ARID1A: variants seen among roughly 807,000 people sequenced by gnomAD.
ARID1A encodes AT-rich interaction domain 1A.
A neutral mutation model predicts 212.6 loss-of-function variants in ARID1A; 20 were observed. The observed-to-expected ratio is 0.09, with a 90% CI of 0.07 to 0.14. ARID1A has a LOEUF of 0.14. Ranked by LOEUF, ARID1A falls within the 10% of genes least tolerant of loss-of-function variation. The probability of loss-of-function intolerance (pLI) is 1.00; values close to 1 mark genes in which losing one functional copy is unlikely to be tolerated. For synonymous variants in ARID1A, 1,376 were observed against 1,222.1 expected (o/e 1.13, Z -2.63); for missense variants, 2,587 against 3,059.0 (o/e 0.85, Z 3.64).
In ARID1A at chr1:26,731,281, C is replaced by A. The variant is rs1240655442; in HGVS notation, c.1480C>A (p.Pro494Thr). ...PYSQQPPSQT[P>T]HAQPSYQQQP... Reference sequence around the variant, plus strand: ...CTCCCAGCAACCACCGTCCCAGACCCCTCATGCCCAACCTTCGTATCAGCA... The same window carrying A: ...CTCCCAGCAACCACCGTCCCAGACCACTCATGCCCAACCTTCGTATCAGCA... Residue 494 changes from proline to threonine, a missense_variant, in exon 3 of 20, where the codon CCT (proline) becomes ACT (threonine). By Grantham distance (38) the Pro-to-Thr change is conservative. Around this residue, in one of 11 missense-constraint regions of ARID1A, gnomAD observed 674 missense variants for 813.4 expected, o/e 0.83. Transcript: ENST00000324856. 1.2e-6 allele frequency: 2 copies of A among 1,613,906 alleles called. No homozygotes were observed. Among genetic ancestry groups the A allele is most frequent in the Non-Finnish European group, 1.7e-6 (2 of 1,180,018 alleles).
intron 1 of ARID1A, among the ~76,000 whole-genome samples, chr1:26,722,508 G>A (rs1411219067): frequency 3.3e-5 from 5 of 152,204 alleles, no homozygotes; most frequent in African/African-American, 4.8e-5. Flanking sequence ...GCCACCCAAC[G>A]TGTTGGGATT....
Position 26,696,181 on chromosome 1 carries a change from GGCCGCCGCC to G in ARID1A, c.-216_-208del. On this transcript the variant is annotated 5_prime_UTR_variant, in exon 1 of 20. Transcript: ENST00000324856. ...GGAGCAGCTGAGCCGCCGGCGCCTC[GGCCGCCGCC>G]GCCGCCTCCTCCTCCTCCGCCGCCG... The G allele has an allele frequency of 1.6e-6, 1 of 613,682 alleles. No individual in the cohort carries two copies. Among genetic ancestry groups the G allele is most frequent in the Admixed American group, 5.1e-5 (1 of 19,622 alleles). The allele number at this position is 613,682 out of a possible 1,614,324, so 38.0% of individuals were successfully genotyped here. A position where few individuals can be genotyped will look rare whatever the true frequency, so the allele number is the denominator to read the frequency against.
chr1:26,730,004 A>G (rs2080658176), intron 2 of ARID1A, 141 bp downstream of exon 2: 2 of 1,075,760 alleles, frequency 1.9e-6, no homozygotes, highest in African/African-American at 1.6e-5. Context: ...ACAGAGTGCT[A>G]CTAACAAAGC....
chr1:26,758,479 TGTG>T (rs2080961436), intron 4 of ARID1A, among the ~76,000 whole-genome samples: 1 of 151,874 alleles, frequency 6.6e-6, no homozygotes, highest in African/African-American at 2.4e-5. Flanking sequence ...CAGAGCCAGA[TGTG>T]GTGGTGCGTG....
At chr1:26,751,733 C>A (rs1400434948) in intron 4 of ARID1A, among the ~76,000 whole-genome samples, 2 of 152,050 alleles carry the variant, frequency 1.3e-5, no homozygotes, top group Non-Finnish European at 2.9e-5. Context: ...TATCTAACAT[C>A]CTTTGTATTT....
Position 26,696,430 on chromosome 1 carries a change from C to A in ARID1A, c.27C>A (p.Ala9=). MAAQVAPA[A]ASSLGNPPPP... is the part of the protein sequence containing the mutation. ...TGGCCGCGCAGGTCGCCCCCGCCGC[C>A]GCCAGCAGCCTGGGCAACCCGCCGC... The change falls in exon 1 of 20, where the codon GCC becomes GCA. Residue 9 remains alanine (A), a synonymous_variant. Coordinates refer to ENST00000324856, the MANE Select transcript of ARID1A (RefSeq NM_006015.6). The A allele has an allele frequency of 7.8e-7, 1 of 1,289,200 alleles. No individual in the cohort carries two copies. Among genetic ancestry groups the A allele is most frequent in the Non-Finnish European group, 9.8e-7 (1 of 1,019,968 alleles). The allele number at this position is 1,289,200 out of a possible 1,614,324, so 79.9% of individuals were successfully genotyped here.
At chr1:26,755,377 A>G (rs1212113757) in intron 4 of ARID1A, among the ~76,000 whole-genome samples, 2 of 152,204 alleles carry the variant, frequency 1.3e-5, no homozygotes, top group Non-Finnish European at 2.9e-5. Flanking sequence ...GAGAGATAAG[A>G]AGATTAATGC....
At chr1:26,770,824 G>A in intron 11 of ARID1A, 2 of 388,438 alleles carry the variant, frequency 5.1e-6, no homozygotes, top group Non-Finnish European at 9.3e-6. Flanking sequence ...CCACTTTTTA[G>A]CAGCGTACTA....
At chr1:26,698,102 C>T (rs1242712973) in intron 1 of ARID1A, among the ~76,000 whole-genome samples, 1 of 152,246 alleles carries the variant, frequency 6.6e-6, no homozygotes, top group African/African-American at 2.4e-5. Flanking sequence ...GGTCCATCTC[C>T]TGTCTTAGGC....
chr1:26,741,317 G>A (rs2080786766), intron 4 of ARID1A, among the ~76,000 whole-genome samples: 1 of 152,166 alleles, frequency 6.6e-6, no homozygotes, highest in South Asian at 2.1e-4. Flanking sequence ...TTGTCATAAA[G>A]CATTTTATTG....
intron 1 of ARID1A, among the ~76,000 whole-genome samples, chr1:26,712,707 A>G (rs2080465710): frequency 2.0e-5 from 3 of 152,328 alleles, no homozygotes; most frequent in South Asian, 2.1e-4. Flanking sequence ...TCAAATAAAA[A>G]TAAACCCTCT....
At chr1:26,716,345 C>T (rs949310674) in intron 1 of ARID1A, among the ~76,000 whole-genome samples, 2 of 152,144 alleles carry the variant, frequency 1.3e-5, no homozygotes, top group Admixed American at 6.5e-5. Context: ...TAATTCCTGC[C>T]TCCATGGAGT....
At position 26,779,747 on chromosome 1, in the gene ARID1A, G is replaced by A. The variant is rs759215669; in HGVS notation, c.5849G>A (p.Arg1950Gln). 7.9e-5 allele frequency: 128 copies of A among 1,614,006 alleles called. No homozygotes were observed. Among genetic ancestry groups the A allele is most frequent in the Middle Eastern group, 1.6e-4 (1 of 6,084 alleles). The change falls in exon 20 of 20, where the codon CGG (arginine) becomes CAG (glutamine). Residue 1950 changes from arginine to glutamine, a missense_variant. Coordinates refer to ENST00000324856, the MANE Select transcript of ARID1A (RefSeq NM_006015.6). The stretch of plus-strand genomic sequence containing the variant: ...GGCATTAGCCCAGCACAGAGCCACC[G>A]GAACATCAAGATCCTAGAGGACGAA... ...PFGISPAQSH[R>Q]NIKILEDEPH... is the part of the protein sequence containing the mutation.
chr1:26,740,707 T>C (rs1415315971), intron 4 of ARID1A, among the ~76,000 whole-genome samples: 4 of 152,110 alleles, frequency 2.6e-5, no homozygotes, highest in Non-Finnish European at 4.4e-5. Context: ...GATCCATTAG[T>C]TTGTAGTATG....
At chr1:26,755,072 G>A (rs2080916456) in intron 4 of ARID1A, among the ~76,000 whole-genome samples, 1 of 152,160 alleles carries the variant, frequency 6.6e-6, no homozygotes, top group Admixed American at 6.5e-5. Context: ...TTGTGCCACT[G>A]CACTCCAGCC....
chr1:26,734,593 AG>A (rs1457035304), intron 4 of ARID1A, among the ~76,000 whole-genome samples: 8 of 152,138 alleles, frequency 5.3e-5, no homozygotes, highest in African/African-American at 1.9e-4. Flanking sequence ...TCCATGTGGG[AG>A]GTAAGCTGGC....
chr1:26,774,045 A>G lies in ARID1A; in HGVS notation c.4101+147A>G. On this transcript the variant is annotated intron_variant, in intron 17 of 19. Coordinates refer to ENST00000324856, the MANE Select transcript of ARID1A (RefSeq NM_006015.6). This position sits in a 1 kb window ranked among gnomAD's most constrained non-coding sequence, Gnocchi z 5.6. ...CCTGACTGGCCAGTCCTGCCTGAAG[A>G]GCCACGTCCTCAATCTCTTCTCTAT... 1.8e-6 allele frequency: 2 copies of G among 1,129,182 alleles called. No homozygotes were observed. Among genetic ancestry groups the G allele is most frequent in the East Asian group, 5.0e-5 (2 of 39,796 alleles). The allele number at this position is 1,129,182 out of a possible 1,614,324, so 69.9% of individuals were successfully genotyped here.
chr1:26,696,244 G>T lies in ARID1A; in HGVS notation c.-160G>T. On this transcript the variant is annotated 5_prime_UTR_variant, in exon 1 of 20. Transcript: ENST00000324856. ...GCCCGGAGCCTGAGCCGGCGGGGCG[G>T]GGGGGAGAGGAGCGAGCGCAGCGCA... is the stretch of plus-strand genomic sequence containing the variant. 6.3e-6 allele frequency: 6 copies of T among 952,502 alleles called. No homozygotes were observed. Among genetic ancestry groups the T allele is most frequent in the Non-Finnish European group, 8.0e-6 (6 of 750,186 alleles). The allele number at this position is 952,502 out of a possible 1,614,324, so 59.0% of individuals were successfully genotyped here.
At chr1:26,772,307 CAA>C (rs1459880600) in intron 12 of ARID1A, 191 bp from the exon 13 acceptor site, 13 of 755,168 alleles carry the variant, frequency 1.7e-5, no homozygotes, top group Non-Finnish European at 2.7e-5. Context: ...AAAACAAAAA[CAA>C]AGAGCTACAA....
Sources: allele counts gnomAD v4.1 joint callset (sites outside exome capture counted in the v4.1 genomes callset), GRCh38; gene constraint gnomAD v4.1.1; regional missense constraint gnomAD v4.1.1; non-coding constraint Gnocchi (gnomAD v3.1); transcripts MANE v1.5; gene names NCBI Gene and HGNC (gene_info 2026-07-23, HGNC 2026-07-21).